AKR1C3: variants seen among roughly 807,000 people sequenced by gnomAD.
AKR1C3 encodes the protein 3-alpha hydroxysteroid dehydrogenase, type II.
Under a neutral mutation model 43.6 loss-of-function variants are expected in AKR1C3, and 48 were observed. That is an observed-to-expected ratio of 1.10 (90% CI 0.87 to 1.40). The LOEUF is 1.40. AKR1C3 is among the 40% of genes most tolerant of loss of function. The probability of loss-of-function intolerance (pLI) is 0.00; values close to 1 mark genes in which losing one functional copy is unlikely to be tolerated. For missense variants in AKR1C3, 482 were observed against 391.2 expected (o/e 1.23, Z -1.96); for synonymous variants, 162 against 139.6 (o/e 1.16, Z -1.13).
chr10:5,063,978 G>T (rs111936879), intron 1 of AKR1C3, among the ~76,000 whole-genome samples: 6,014 of 152,022 alleles, frequency 0.04, 410 homozygotes, highest in African/African-American at 0.14. Flanking sequence ...TAAATCCTTT[G>T]CTGTCATTTC....
intron 7 of AKR1C3, among the ~76,000 whole-genome samples, chr10:5,104,530 C>T (rs1839449868): frequency 1.3e-5 from 2 of 150,882 alleles, no homozygotes; most frequent in Non-Finnish European, 3.0e-5. Context: ...TTTTCTAACT[C>T]TTTATTTTAT....
At chr10:5,070,353 A>T (rs1838592823) in intron 1 of AKR1C3, among the ~76,000 whole-genome samples, 2 of 152,220 alleles carry the variant, frequency 1.3e-5, no homozygotes, top group Admixed American at 1.3e-4. Context: ...AAGCAAAGAA[A>T]TAATGAAGCA....
chr10:5,062,805 A>C (rs554616260), intron 1 of AKR1C3, among the ~76,000 whole-genome samples: 1 of 150,974 alleles, frequency 6.6e-6, no homozygotes, highest in African/African-American at 2.4e-5. Flanking sequence ...CTACAGGCTT[A>C]TTCCAGCCAG....
intron 1 of AKR1C3, among the ~76,000 whole-genome samples, chr10:5,069,884 A>C (rs1398221719): frequency 6.6e-6 from 1 of 152,116 alleles, no homozygotes; most frequent in Non-Finnish European, 1.5e-5. Flanking sequence ...CAAAAAAAAA[A>C]AGGAAAAGAG....
chr10:5,080,749 T>G (rs1306971353), intron 1 of AKR1C3: 1 of 152,322 alleles, frequency 6.6e-6, no homozygotes, highest in Non-Finnish European at 1.5e-5. Context: ...TTCGTAGTGT[T>G]AGATGAACTT....
At chr10:5,056,664 C>A (rs1367360965) in intron 1 of AKR1C3, among the ~76,000 whole-genome samples, 2 of 152,174 alleles carry the variant, frequency 1.3e-5, no homozygotes, top group Non-Finnish European at 2.9e-5. Context: ...AATTGTCCCT[C>A]CAATGCCCAG....
intron 1 of AKR1C3, among the ~76,000 whole-genome samples, chr10:5,049,934 C>T (rs545227789): frequency 6.6e-6 from 1 of 152,314 alleles, no homozygotes; most frequent in East Asian, 1.9e-4. Flanking sequence ...CCAGAGCAGT[C>T]GACATCATTG....
chr10:5,099,604 G>C (rs970895215), intron 5 of AKR1C3, 155 bp downstream of exon 5: 22 of 1,347,248 alleles, frequency 1.6e-5, no homozygotes, highest in Middle Eastern at 1.9e-4. Context: ...AAGATTTCTT[G>C]TTTGTACCCT....
At chr10:5,101,632 G>T (rs1329421298) in intron 5 of AKR1C3, among the ~76,000 whole-genome samples, 4 of 152,086 alleles carry the variant, frequency 2.6e-5, no homozygotes, top group African/African-American at 9.7e-5. Context: ...ATTAATTTTT[G>T]TTAGTGCTCA....
At chr10:5,061,724 C>A (rs1838387474) in intron 1 of AKR1C3, among the ~76,000 whole-genome samples, 2 of 152,108 alleles carry the variant, frequency 1.3e-5, no homozygotes, top group African/African-American at 4.8e-5. Flanking sequence ...TTGAAGACAC[C>A]ATTGACTGAT....
chr10:5,098,176 C>G, intron 3 of AKR1C3: 5 of 985,576 alleles, frequency 5.1e-6, no homozygotes, highest in Non-Finnish European at 6.0e-6. Flanking sequence ...AATGGGAAGT[C>G]AAAGACATGG....
chr10:5,071,474 C>T (rs56087817), intron 1 of AKR1C3, among the ~76,000 whole-genome samples: 5 of 152,080 alleles, frequency 3.3e-5, no homozygotes, highest in East Asian at 3.9e-4. Flanking sequence ...TCACAACTCA[C>T]GGTGACTAAG....
chr10:5,052,538 C>T (rs1051557642), intron 1 of AKR1C3, among the ~76,000 whole-genome samples: 2 of 152,178 alleles, frequency 1.3e-5, no homozygotes, highest in South Asian at 2.1e-4. Context: ...TGTTTACAAT[C>T]CCTGAGCTAG....
chr10:5,075,483 T>TTA (rs1838698182), intron 1 of AKR1C3, among the ~76,000 whole-genome samples: 1 of 151,670 alleles, frequency 6.6e-6, no homozygotes, highest in Non-Finnish European at 1.5e-5. Context: ...AAGTTTTTTT[T>TTA]AACACCCTGT....
At chr10:5,104,207 G>C (rs1023351109) in intron 7 of AKR1C3, among the ~76,000 whole-genome samples, 1 of 151,952 alleles carries the variant, frequency 6.6e-6, no homozygotes, top group Non-Finnish European at 1.5e-5. Flanking sequence ...CTTTTAATAT[G>C]TTATCTTGCA....
chr10:5,054,219 T>A (rs1554779314), intron 1 of AKR1C3, among the ~76,000 whole-genome samples: 1 of 152,216 alleles, frequency 6.6e-6, no homozygotes, highest in African/African-American at 2.4e-5. Context: ...CCAAAGAGTC[T>A]ATTTGGGATT....
At chr10:5,095,605 ATT>A (rs1184652089) in intron 1 of AKR1C3, among the ~76,000 whole-genome samples, 1 of 152,116 alleles carries the variant, frequency 6.6e-6, no homozygotes, top group Non-Finnish European at 1.5e-5. Flanking sequence ...GTTTATTTAT[ATT>A]TTTGTCATTA....
intron 8 of AKR1C3, 81 bp from the exon 9 acceptor site, chr10:5,107,380 T>C (rs1839533921): frequency 9.8e-7 from 1 of 1,016,176 alleles, no homozygotes; most frequent in Non-Finnish European, 1.5e-6. Flanking sequence ...TTCATACTAA[T>C]GACAGCTTCA....
chr10:5,105,496 C>A (rs1393735796), intron 7 of AKR1C3, 99 bp from the exon 8 acceptor site: 6 of 884,524 alleles, frequency 6.8e-6, no homozygotes, highest in African/African-American at 5.1e-5. Context: ...TTAAAACTTA[C>A]CAATATTTTA....
Sources: gnomAD v4.1 joint callset for allele counts (sites outside exome capture counted in the v4.1 genomes callset) on GRCh38, gnomAD v4.1.1 for gene constraint, MANE v1.5 for transcripts, NCBI Gene and HGNC (gene_info 2026-07-23, HGNC 2026-07-21) for gene names.